The following SLC39A8 variants were observed in gnomAD, a reference collection of about 807,000 sequenced individuals.
SLC39A8 encodes metal cation symporter ZIP8.
SLC39A8 carries 15 observed loss-of-function variants against 40.4 expected under a neutral mutation model. That is an observed-to-expected ratio of 0.37 (90% CI 0.25 to 0.57). The LOEUF (loss-of-function observed/expected upper bound fraction) is 0.57. Ranked by LOEUF, SLC39A8 falls within the 20% of genes least tolerant of loss-of-function variation. The probability of loss-of-function intolerance (pLI) is 0.75; values close to 1 mark genes in which losing one functional copy is unlikely to be tolerated. For synonymous variants in SLC39A8, 223 were observed against 221.6 expected, an observed-to-expected ratio of 1.01 and a Z score of -0.06; for missense variants, 472 against 558.8, an observed-to-expected ratio of 0.84 and a Z score of 1.57.
chr4:102,254,520 T>C (rs1389759704), intron 11 of SLC39A8, among the ~76,000 whole-genome samples: 1 of 152,214 alleles, frequency 6.6e-6, no homozygotes, highest in Admixed American at 6.5e-5. Flanking sequence ...GAAATATAAT[T>C]ATTTCAACAC....
At chr4:102,328,366 C>A (rs1183601810) in intron 2 of SLC39A8, among the ~76,000 whole-genome samples, 2 of 150,560 alleles carry the variant, frequency 1.3e-5, no homozygotes, top group Non-Finnish European at 3.0e-5. Context: ...TCATTGTCGG[C>A]AACAAAAAAT....
intron 6 of SLC39A8, among the ~76,000 whole-genome samples, chr4:102,293,988 C>T (rs979457876): frequency 2.7e-5 from 4 of 150,740 alleles, no homozygotes; most frequent in African/African-American, 7.3e-5. Flanking sequence ...ACTTGATACA[C>T]GGCAGGAATA....
At chr4:102,342,506 A>C (rs1031533882) in intron 2 of SLC39A8, among the ~76,000 whole-genome samples, 8 of 152,210 alleles carry the variant, frequency 5.3e-5, no homozygotes, top group African/African-American at 1.7e-4. Flanking sequence ...CTCAAAAAAA[A>C]AGCAAGAACA....
chr4:102,324,987 G>T (rs958638390), intron 2 of SLC39A8, among the ~76,000 whole-genome samples: 44 of 152,008 alleles, frequency 2.9e-4, no homozygotes, highest in East Asian at 1.5e-3. Context: ...ATTGCTTCCA[G>T]ATTTGTTCTT....
Position 102,307,451 on chromosome 4 carries a change from G to T in SLC39A8, c.537C>A (p.Phe179Leu). The change falls in exon 4 of 9, where the codon TTC becomes TTA. Residue 179 changes from phenylalanine to leucine, a missense_variant. Transcript: ENST00000356736. ...ACATCCTTACCTCTGGAATAAGTTGGAAAATTGCATTTGAAAAAAGAGTCC... is the reference window on the plus strand; with the variant it reads ...ACATCCTTACCTCTGGAATAAGTTGTAAAATTGCATTTGAAAAAAGAGTCC... Reference protein sequence around the residue: ...AIGTLFSNAIFQLIPEAFGFD... With the variant: ...AIGTLFSNAILQLIPEAFGFD... The T allele has an allele frequency of 6.2e-7, 1 of 1,613,066 alleles. No homozygotes were observed. Among genetic ancestry groups the T allele is most frequent in the Non-Finnish European group, 8.5e-7 (1 of 1,179,518 alleles).
intron 11 of SLC39A8, among the ~76,000 whole-genome samples, chr4:102,253,607 T>G (rs772536798): frequency 1.3e-5 from 2 of 152,172 alleles, no homozygotes; most frequent in African/African-American, 2.4e-5. Flanking sequence ...ATAATATATT[T>G]TGAATAATTC....
intron 3 of SLC39A8, among the ~76,000 whole-genome samples, chr4:102,314,190 C>A (rs1734560589): frequency 6.6e-6 from 1 of 152,162 alleles, no homozygotes; most frequent in Admixed American, 6.5e-5. Flanking sequence ...CAATCCAGGG[C>A]AAACCATTTA....
downstream of SLC39A8, chr4:102,259,368 C>T: frequency 2.2e-6 from 2 of 893,000 alleles, no homozygotes; most frequent in Non-Finnish European, 1.7e-6. Context: ...GAATAACATG[C>T]ACAGTCACTG....
downstream of SLC39A8, among the ~76,000 whole-genome samples, chr4:102,258,380 C>T (rs1731762147): frequency 6.6e-6 from 1 of 152,042 alleles, no homozygotes. Flanking sequence ...CTGGCTAGCC[C>T]TTCTCCTACC....
At chr4:102,317,102 G>A (rs1219385622) in intron 2 of SLC39A8, among the ~76,000 whole-genome samples, 1 of 152,128 alleles carries the variant, frequency 6.6e-6, no homozygotes. Context: ...GGCAGCCTGA[G>A]CTGACTAATA....
At chr4:102,312,630 GA>G (rs1475280632) in intron 3 of SLC39A8, among the ~76,000 whole-genome samples, 1 of 152,074 alleles carries the variant, frequency 6.6e-6, no homozygotes, top group African/African-American at 2.4e-5. Context: ...TGCTTTTTCT[GA>G]AACCTCACTT....
Position 102,262,492 on chromosome 4 carries a change from T to G in SLC39A8, c.*552A>C, listed in dbSNP as rs1241649204. ...TAATACTGCAAGTTCCTAATTGAAA[T>G]ACAAAACAGAACAAAAAGCTGTGAG... On this transcript the variant is annotated 3_prime_UTR_variant, in exon 9 of 9. Transcript: ENST00000356736. 1.0e-6 allele frequency: 1 copy of G among 985,230 alleles called. No individual in the cohort carries two copies. Among genetic ancestry groups the G allele is most frequent in the Non-Finnish European group, 1.2e-6 (1 of 829,740 alleles). The allele number at this position is 985,230 out of a possible 1,614,324, so 61.0% of individuals were successfully genotyped here. A position where few individuals can be genotyped will look rare whatever the true frequency, so the allele number is the denominator to read the frequency against.
intron 2 of SLC39A8, among the ~76,000 whole-genome samples, chr4:102,330,286 A>G (rs1445219736): frequency 1.3e-5 from 2 of 152,220 alleles, no homozygotes; most frequent in East Asian, 3.8e-4. Flanking sequence ...CTAGACAAAT[A>G]AAGAAGAAAA....
At chr4:102,331,175 G>A (rs576087611) in intron 2 of SLC39A8, among the ~76,000 whole-genome samples, 1 of 152,264 alleles carries the variant, frequency 6.6e-6, no homozygotes, top group South Asian at 2.1e-4. Flanking sequence ...TTCTGGCCAG[G>A]GCAATCAGGC....
chr4:102,290,946 C>T (rs1472554681), intron 6 of SLC39A8, among the ~76,000 whole-genome samples: 1 of 152,012 alleles, frequency 6.6e-6, no homozygotes, highest in Non-Finnish European at 1.5e-5. Flanking sequence ...CACTTGTACT[C>T]TATTTTCATT....
At chr4:102,254,382 T>A (rs1421506159) in intron 11 of SLC39A8, among the ~76,000 whole-genome samples, 1 of 152,220 alleles carries the variant, frequency 6.6e-6, no homozygotes, top group Non-Finnish European at 1.5e-5. Flanking sequence ...CATTCATTCA[T>A]TCACAGAAGA....
intron 2 of SLC39A8, among the ~76,000 whole-genome samples, chr4:102,325,235 C>T (rs1485581151): frequency 6.6e-6 from 1 of 152,166 alleles, no homozygotes; most frequent in East Asian, 1.9e-4. Context: ...CAAGAACACT[C>T]TATAAAAATA....
At chr4:102,296,595 G>T (rs926719817) in intron 6 of SLC39A8, among the ~76,000 whole-genome samples, 25 of 152,186 alleles carry the variant, frequency 1.6e-4, no homozygotes, top group African/African-American at 6.0e-4. Flanking sequence ...TTTAACAGAT[G>T]AGCAAAGGCT....
Position 102,307,508 on chromosome 4 carries a change from C to T in SLC39A8, c.480G>A (p.Lys160=). The T allele has an allele frequency of 6.2e-7, 1 of 1,613,452 alleles. No individual in the cohort carries two copies. Among genetic ancestry groups the T allele is most frequent in the Admixed American group, 1.7e-5 (1 of 59,940 alleles). ...CCAGCCCCACAAAAAAGGTCAAAAT[C>T]TTTGGGAAATAAGATTTCTTTATCA... ...TPLIKKSYFP[K]ILTFFVGLAI... Residue 160 remains lysine (K), a synonymous_variant, in exon 4 of 9, where the codon AAG becomes AAA. Coordinates refer to ENST00000356736, the MANE Select transcript of SLC39A8 (RefSeq NM_001135146.2).
Sources: allele counts gnomAD v4.1 joint callset (sites outside exome capture counted in the v4.1 genomes callset), GRCh38; gene constraint gnomAD v4.1.1; transcripts MANE v1.5; gene names NCBI Gene and HGNC (gene_info 2026-07-23, HGNC 2026-07-21).